Variants in KCMF1 observed in about 807,000 individuals in gnomAD.
KCMF1 encodes potassium channel modulatory factor 1.
In KCMF1, 3 loss-of-function variants were observed where a neutral mutation model predicts 41.1. That is an observed-to-expected ratio of 0.07 (90% CI 0.03 to 0.19). The LOEUF is 0.19. Among genes scored for constraint, KCMF1 ranks in the 10% least tolerant of loss-of-function variants. The pLI, the probability that KCMF1 is intolerant of heterozygous loss-of-function variation, is 1.00. For missense variants in KCMF1, 286 were observed against 488.9 expected (o/e 0.58, Z 3.91); for synonymous variants, 142 against 164.5 (o/e 0.86, Z 1.04).
At chr2:84,990,764 C>A (rs1674022494) in intron 1 of KCMF1, among the ~76,000 whole-genome samples, 1 of 151,986 alleles carries the variant, frequency 6.6e-6, no homozygotes, top group African/African-American at 2.4e-5. Context: ...GGAGCAGAGA[C>A]TTCATTAAGT....
At chr2:85,041,121 C>T (rs1339132116) in intron 3 of KCMF1, among the ~76,000 whole-genome samples, 1 of 152,146 alleles carries the variant, frequency 6.6e-6, no homozygotes, top group African/African-American at 2.4e-5. Flanking sequence ...ACAGTAATTT[C>T]TTATCCTCAG....
intron 1 of KCMF1, among the ~76,000 whole-genome samples, chr2:84,978,532 G>T: frequency 6.7e-6 from 1 of 149,806 alleles, no homozygotes. Context: ...AAGTTTTAGG[G>T]TACATGTGCA....
intron 6 of KCMF1, among the ~76,000 whole-genome samples, chr2:85,052,031 A>G (rs530881681): frequency 1.3e-5 from 2 of 152,304 alleles, no homozygotes; most frequent in South Asian, 4.1e-4. Flanking sequence ...AGTCCAAGAT[A>G]GTTGACCTTT....
At chr2:85,046,352 A>G in intron 5 of KCMF1, 74 bp downstream of exon 5, 1 of 1,196,420 alleles carries the variant, frequency 8.4e-7, no homozygotes, top group Non-Finnish European at 1.2e-6. Context: ...TTGTGATGCC[A>G]GGTGCGGTGG....
intron 1 of KCMF1, among the ~76,000 whole-genome samples, chr2:84,989,236 C>A (rs1363306634): frequency 6.6e-6 from 1 of 152,112 alleles, no homozygotes; most frequent in African/African-American, 2.4e-5. Flanking sequence ...GTAGTAAGAA[C>A]TGTAATAAAT....
chr2:85,008,389 GAT>G (rs1558573686), intron 1 of KCMF1, among the ~76,000 whole-genome samples: 2 of 13,042 alleles, frequency 1.5e-4, no homozygotes, highest in East Asian at 1.0e-3. Flanking sequence ...TATTATATAT[GAT>G]ATATATTATA....
chr2:85,028,394 A>C (rs1487815568), intron 2 of KCMF1, among the ~76,000 whole-genome samples: 1 of 150,624 alleles, frequency 6.6e-6, no homozygotes, highest in Non-Finnish European at 1.5e-5. Flanking sequence ...CACGTTGGCC[A>C]GACTGGTCTC....
At chr2:85,015,963 A>T (rs1164866557) in intron 1 of KCMF1, among the ~76,000 whole-genome samples, 2 of 152,236 alleles carry the variant, frequency 1.3e-5, no homozygotes, top group African/African-American at 2.4e-5. Flanking sequence ...AATAATAAAT[A>T]ATGAAAGGAT....
At chr2:85,014,125 T>C (rs1674711196) in intron 1 of KCMF1, 3 of 152,176 alleles carry the variant, frequency 2.0e-5, no homozygotes, top group African/African-American at 7.2e-5. Context: ...AATAGTGACT[T>C]TAAGTAGAGT....
intron 1 of KCMF1, among the ~76,000 whole-genome samples, chr2:85,007,056 G>A (rs1256071325): frequency 3.6e-5 from 5 of 140,106 alleles, no homozygotes; most frequent in African/African-American, 8.2e-5. Flanking sequence ...AGTCGAGATC[G>A]CACCACTGCA....
At chr2:84,998,190 C>G (rs958730059) in intron 1 of KCMF1, among the ~76,000 whole-genome samples, 1 of 149,554 alleles carries the variant, frequency 6.7e-6, no homozygotes, top group African/African-American at 2.5e-5. Context: ...CTCCCAGGTT[C>G]AAGCACTTCT....
At chr2:85,049,938 C>T (rs931553182) in intron 6 of KCMF1, among the ~76,000 whole-genome samples, 1 of 152,226 alleles carries the variant, frequency 6.6e-6, no homozygotes, top group African/African-American at 2.4e-5. Context: ...GCAAGCAGAT[C>T]GCCAGAGCCC....
chr2:84,985,096 T>C (rs750245824), intron 1 of KCMF1, among the ~76,000 whole-genome samples: 2 of 151,996 alleles, frequency 1.3e-5, no homozygotes, highest in Non-Finnish European at 2.9e-5. Flanking sequence ...AAAATACGAC[T>C]GAGGATACAG....
intron 1 of KCMF1, among the ~76,000 whole-genome samples, chr2:85,018,448 T>G (rs1252635690): frequency 6.6e-6 from 1 of 151,838 alleles, no homozygotes; most frequent in Admixed American, 6.6e-5. Flanking sequence ...TTTTGTATAT[T>G]TAGTAGAGAT....
At chr2:85,019,608 T>C (rs1364925062) in intron 1 of KCMF1, among the ~76,000 whole-genome samples, 2 of 152,112 alleles carry the variant, frequency 1.3e-5, no homozygotes, top group African/African-American at 2.4e-5. Flanking sequence ...TTATTCATAG[T>C]ATGCTAATCA....
chr2:85,053,199 G>A lies in KCMF1; in HGVS notation c.936G>A (p.Glu312=). 6.2e-7 allele frequency: 1 copy of A among 1,613,964 alleles called. No individual in the cohort carries two copies. Among genetic ancestry groups the A allele is most frequent in the Non-Finnish European group, 8.5e-7 (1 of 1,179,880 alleles). Reference sequence around the variant, plus strand: ...CGGAGCGCCAGTCCATGGAAAGCGAGCGTGCAGACCGCAGCCTGTTTGTCC... The same window carrying A: ...CGGAGCGCCAGTCCATGGAAAGCGAACGTGCAGACCGCAGCCTGTTTGTCC... ...SETERQSMES[E]RADRSLFVQE... Residue 312 remains glutamate (E), a synonymous_variant, in exon 7 of 7, where the codon GAG becomes GAA. Transcript: ENST00000409785.
chr2:85,003,089 G>A (rs1055430526), intron 1 of KCMF1, among the ~76,000 whole-genome samples: 10 of 152,082 alleles, frequency 6.6e-5, no homozygotes, highest in Admixed American at 3.9e-4. Flanking sequence ...TAATATTGAC[G>A]CTAAGGTTTT....
chr2:84,986,209 A>G (rs1330290207), intron 1 of KCMF1, among the ~76,000 whole-genome samples: 2 of 152,172 alleles, frequency 1.3e-5, no homozygotes, highest in Admixed American at 6.5e-5. Flanking sequence ...TTTTCCTCCT[A>G]AAGTATGTGG....
At chr2:84,974,701 T>A (rs1228796892) in intron 1 of KCMF1, among the ~76,000 whole-genome samples, 55 of 72,202 alleles carry the variant, frequency 7.6e-4, no homozygotes, top group East Asian at 2.1e-3. Flanking sequence ...ATTTTTTTTT[T>A]TTTTTTTTTT....
Sources: allele counts gnomAD v4.1 joint callset (sites outside exome capture counted in the v4.1 genomes callset), GRCh38; gene constraint gnomAD v4.1.1; transcripts MANE v1.5; gene names NCBI Gene and HGNC (gene_info 2026-07-23, HGNC 2026-07-21).